Variants in TENM3 observed in about 807,000 individuals in gnomAD.
The protein encoded by TENM3 is teneurin transmembrane protein 3, also known as teneurin-3.
A neutral mutation model predicts 255.1 loss-of-function variants in TENM3; 63 were observed. That is an observed-to-expected ratio of 0.25 (90% CI 0.20 to 0.30). The LOEUF (loss-of-function observed/expected upper bound fraction) is 0.30. TENM3 is among the 10% of genes least tolerant of loss of function. TENM3 has a pLI of 1.00. For missense variants in TENM3, 2,929 were observed against 3,461.1 expected (o/e 0.85, Z 3.86); for synonymous variants, 1,306 against 1,322.3 (o/e 0.99, Z 0.27).
chr4:182,728,757 T>C (rs1760432668), intron 13 of TENM3, among the ~76,000 whole-genome samples: 1 of 152,176 alleles, frequency 6.6e-6, no homozygotes, highest in Non-Finnish European at 1.5e-5. Context: ...GACCACTCTT[T>C]TATATATGGT....
the TENM3 span, among the ~76,000 whole-genome samples, chr4:182,122,745 C>T: frequency 6.6e-6 from 1 of 152,160 alleles, no homozygotes; most frequent in Admixed American, 6.5e-5. Context: ...AAGTAACTAG[C>T]TACATTAGCT....
At chr4:181,630,876 T>C in the TENM3 span, among the ~76,000 whole-genome samples, 1 of 152,224 alleles carries the variant, frequency 6.6e-6, no homozygotes, top group African/African-American at 2.4e-5. Flanking sequence ...CACACATTTT[T>C]TATTGATGGG....
chr4:181,665,666 T>G, the TENM3 span, among the ~76,000 whole-genome samples: 3 of 152,130 alleles, frequency 2.0e-5, no homozygotes, highest in East Asian at 1.9e-4. Flanking sequence ...TACAGACATA[T>G]TATGTACACA....
the TENM3 span, among the ~76,000 whole-genome samples, chr4:181,840,145 C>T: frequency 6.6e-6 from 1 of 151,974 alleles, no homozygotes; most frequent in African/African-American, 2.4e-5. Flanking sequence ...TTCTAAGTCA[C>T]CTGTTTTTTC....
chr4:181,675,982 A>G, the TENM3 span, among the ~76,000 whole-genome samples: 2 of 152,116 alleles, frequency 1.3e-5, no homozygotes, highest in Non-Finnish European at 2.9e-5. Flanking sequence ...TGCCTCATAA[A>G]TCAAGTTTCT....
At chr4:181,605,442 AAAAG>A in the TENM3 span, among the ~76,000 whole-genome samples, 29 of 125,244 alleles carry the variant, frequency 2.3e-4, 1 homozygote, top group East Asian at 6.3e-3. Flanking sequence ...AGACACCATC[AAAAG>A]AAAGAAAGAG....
At chr4:181,968,655 C>T in the TENM3 span, among the ~76,000 whole-genome samples, 1 of 152,084 alleles carries the variant, frequency 6.6e-6, no homozygotes, top group African/African-American at 2.4e-5. Flanking sequence ...ACCTATAGTT[C>T]ATCATTATTA....
the TENM3 span, among the ~76,000 whole-genome samples, chr4:181,678,972 C>T: frequency 2.0e-5 from 3 of 152,024 alleles, no homozygotes; most frequent in Admixed American, 6.6e-5. Flanking sequence ...TATTCCAACA[C>T]GTCTGTTAAA....
At chr4:181,649,321 G>A in the TENM3 span, among the ~76,000 whole-genome samples, 2 of 152,164 alleles carry the variant, frequency 1.3e-5, no homozygotes, top group Non-Finnish European at 1.5e-5. Flanking sequence ...TCTCTCACCC[G>A]TCCATCAATA....
chr4:182,315,726 G>A (rs148009480), intron 1 of TENM3, among the ~76,000 whole-genome samples: 17 of 152,122 alleles, frequency 1.1e-4, no homozygotes, highest in African/African-American at 3.4e-4. Flanking sequence ...TTGACCACAT[G>A]TATATTGGTC....
At chr4:181,551,834 GTA>G in the TENM3 span, among the ~76,000 whole-genome samples, 10 of 16,062 alleles carry the variant, frequency 6.2e-4, no homozygotes, top group Admixed American at 3.0e-3. Flanking sequence ...ATATATATAT[GTA>G]TATGTGTGTG....
At chr4:182,774,455 GCTTT>G (rs1764516794) in intron 23 of TENM3, among the ~76,000 whole-genome samples, 1 of 152,118 alleles carries the variant, frequency 6.6e-6, no homozygotes, top group Non-Finnish European at 1.5e-5. Context: ...AGGGAACATT[GCTTT>G]CTATTTTTGG....
the TENM3 span, among the ~76,000 whole-genome samples, chr4:181,541,492 T>C: frequency 1.3e-5 from 2 of 152,184 alleles, no homozygotes; most frequent in Non-Finnish European, 2.9e-5. Context: ...ACTGACTGAT[T>C]TAGATGAGTC....
chr4:181,871,439 A>G, the TENM3 span, among the ~76,000 whole-genome samples: 2 of 151,938 alleles, frequency 1.3e-5, no homozygotes, highest in African/African-American at 4.8e-5. Context: ...TTTAGTTTAG[A>G]GCTCTCTAGT....
chr4:182,654,202 T>C (rs1753563648), intron 6 of TENM3, among the ~76,000 whole-genome samples: 1 of 152,232 alleles, frequency 6.6e-6, no homozygotes, highest in African/African-American at 2.4e-5. Context: ...GTGTATCATC[T>C]CTTGTATTAC....
At chr4:182,056,911 C>T in the TENM3 span, among the ~76,000 whole-genome samples, 1 of 151,726 alleles carries the variant, frequency 6.6e-6, no homozygotes, top group Non-Finnish European at 1.5e-5. Flanking sequence ...ATTCCTCCCC[C>T]TTTTAACAAC....
the TENM3 span, among the ~76,000 whole-genome samples, chr4:181,564,033 C>CTTTTTTTTTT: frequency 1.2e-3 from 58 of 49,442 alleles, no homozygotes; most frequent in South Asian, 1.8e-3. Context: ...CTTTTCTTTT[C>CTTTTTTTTTT]TTTTTTCTTT....
chr4:181,740,513 A>T, the TENM3 span, among the ~76,000 whole-genome samples: 6 of 152,298 alleles, frequency 3.9e-5, no homozygotes, highest in African/African-American at 1.4e-4. Context: ...GAAAGTATTA[A>T]GTGATAGTTT....
the TENM3 span, among the ~76,000 whole-genome samples, chr4:181,836,454 T>A: frequency 1.3e-5 from 2 of 152,338 alleles, no homozygotes; most frequent in African/African-American, 4.8e-5. Flanking sequence ...TAACCTGGAA[T>A]TGGATTTTGC....
Sources: allele counts gnomAD v4.1 joint callset (sites outside exome capture counted in the v4.1 genomes callset), GRCh38; gene constraint gnomAD v4.1.1; transcripts MANE v1.5; gene names NCBI Gene and HGNC (gene_info 2026-07-23, HGNC 2026-07-21).